HECW1: variants seen among roughly 807,000 people sequenced by gnomAD.
The protein encoded by HECW1 is HECT, C2 and WW domain containing E3 ubiquitin protein ligase 1.
Under a neutral mutation model 182.3 loss-of-function variants are expected in HECW1, and 61 were observed. The observed-to-expected ratio is 0.33, with a 90% CI of 0.27 to 0.41. The LOEUF (loss-of-function observed/expected upper bound fraction) is 0.41. Among genes scored for constraint, HECW1 ranks in the 10% least tolerant of loss-of-function variants. The pLI is 1.00. For synonymous variants in HECW1, 859 were observed against 832.6 expected (o/e 1.03, Z -0.55); for missense variants, 1,739 against 2,108.9 (o/e 0.82, Z 3.44).
intron 5 of HECW1, among the ~76,000 whole-genome samples, chr7:43,338,246 G>A (rs749148555): frequency 6.6e-6 from 1 of 152,184 alleles, no homozygotes; most frequent in Non-Finnish European, 1.5e-5. Context: ...GATAGGCTTA[G>A]AAAGTACTCA....
chr7:43,138,576 G>A (rs1787818776), intron 2 of HECW1, among the ~76,000 whole-genome samples: 1 of 152,174 alleles, frequency 6.6e-6, no homozygotes, highest in Non-Finnish European at 1.5e-5. Context: ...TGTCTGCACA[G>A]TCTATTTACC....
intron 2 of HECW1, among the ~76,000 whole-genome samples, chr7:43,114,683 A>G (rs1178215885): frequency 6.6e-6 from 1 of 152,204 alleles, no homozygotes; most frequent in Non-Finnish European, 1.5e-5. Flanking sequence ...ATTCCACACT[A>G]TAATCCCAGT....
At chr7:43,161,588 A>G (rs1460826244) in intron 2 of HECW1, 1 of 152,230 alleles carries the variant, frequency 6.6e-6, no homozygotes, top group African/African-American at 2.4e-5. Context: ...ACTGAGAAAG[A>G]TATTTCAAAT....
intron 2 of HECW1, among the ~76,000 whole-genome samples, chr7:43,186,653 A>G (rs1279989760): frequency 1.4e-5 from 2 of 144,260 alleles, no homozygotes; most frequent in East Asian, 2.1e-4. Flanking sequence ...TGGGTGACAG[A>G]GCGAGACTCC....
intron 16 of HECW1, among the ~76,000 whole-genome samples, chr7:43,478,882 C>A (rs1049132141): frequency 6.6e-6 from 1 of 152,094 alleles, no homozygotes; most frequent in East Asian, 1.9e-4. Flanking sequence ...ATTGCTCTTA[C>A]TTTCTGTGTT....
At chr7:43,139,416 C>A (rs1376343181) in intron 2 of HECW1, among the ~76,000 whole-genome samples, 3 of 152,200 alleles carry the variant, frequency 2.0e-5, no homozygotes, top group Non-Finnish European at 4.4e-5. Context: ...GAGGATGAGT[C>A]AAAGACGCAA....
chr7:43,233,261 T>C (rs1354746624), intron 2 of HECW1, among the ~76,000 whole-genome samples: 2 of 152,334 alleles, frequency 1.3e-5, no homozygotes, highest in East Asian at 3.9e-4. Flanking sequence ...GCCCTCCATA[T>C]CCTATCACCA....
At chr7:43,155,245 A>G (rs528578702) in intron 2 of HECW1, among the ~76,000 whole-genome samples, 9 of 152,238 alleles carry the variant, frequency 5.9e-5, no homozygotes, top group Non-Finnish European at 1.2e-4. Context: ...TGAAGACACA[A>G]TATGCTGCTA....
rs181196393 is a variant in HECW1 at position 43,343,088 on chromosome 7, A to G, written c.461-17798A>G. ...TCCTTTCTGCAAAATAAGTGACTTC[A>G]CAATGGAAGGCTGTGCTGATCTATC... is the stretch of plus-strand genomic sequence containing the variant. On this transcript the variant is annotated intron_variant, in intron 5 of 29. Coordinates refer to ENST00000395891, the MANE Select transcript of HECW1 (RefSeq NM_015052.5). Among the ~76,000 whole-genome samples, 336 of 138,844 alleles carry G rather than the reference A, an allele frequency of 2.4e-3. 11 individuals are homozygous for G. The highest frequency in any genetic ancestry group is 8.3e-3 in the African/African-American group (320 of 38,556). 91.1% of individuals were successfully genotyped at this position (138,844 alleles called of 152,430 possible).
intron 17 of HECW1, among the ~76,000 whole-genome samples, chr7:43,482,608 T>C (rs529589247): frequency 2.2e-4 from 33 of 152,204 alleles, no homozygotes; most frequent in African/African-American, 7.0e-4. Context: ...AAAGTATCTT[T>C]TAAAATAAGG....
chr7:43,302,371 C>T (rs531550807), intron 3 of HECW1, among the ~76,000 whole-genome samples: 12 of 152,326 alleles, frequency 7.9e-5, no homozygotes, highest in East Asian at 7.7e-4. Flanking sequence ...TTCAGCTTCC[C>T]GGTGAATAAG....
At chr7:43,188,682 T>G (rs1208817472) in intron 2 of HECW1, among the ~76,000 whole-genome samples, 1 of 152,102 alleles carries the variant, frequency 6.6e-6, no homozygotes, top group African/African-American at 2.4e-5. Flanking sequence ...AAAAATTAAA[T>G]GTACTGGCTG....
intron 4 of HECW1, among the ~76,000 whole-genome samples, chr7:43,319,471 G>A (rs1809786943): frequency 6.6e-6 from 1 of 150,624 alleles, no homozygotes; most frequent in African/African-American, 2.4e-5. Flanking sequence ...AAAGCACACT[G>A]TCACCCAGAG....
intron 2 of HECW1, among the ~76,000 whole-genome samples, chr7:43,146,250 G>A (rs1401432930): frequency 2.0e-5 from 3 of 151,968 alleles, no homozygotes; most frequent in South Asian, 2.1e-4. Flanking sequence ...ATTCTTTTTT[G>A]TTGGAGGCTG....
At chr7:43,488,437 A>AAAGAAAGAAAGAAAG (rs2078773702) in intron 17 of HECW1, among the ~76,000 whole-genome samples, 1 of 108,090 alleles carries the variant, frequency 9.3e-6, no homozygotes, top group African/African-American at 3.8e-5. Context: ...AAAGAAAGAG[A>AAAGAAAGAAAGAAAG]AAGAAAGAAA....
intron 2 of HECW1, among the ~76,000 whole-genome samples, chr7:43,167,276 C>T (rs1791229951): frequency 6.6e-6 from 1 of 152,164 alleles, no homozygotes; most frequent in Non-Finnish European, 1.5e-5. Flanking sequence ...GCCTTCATCT[C>T]CACATGGCCT....
chr7:43,438,242 A>AG lies in HECW1; in HGVS notation c.944+98dup, dbSNP rs575833816. The AG allele has an allele frequency of 3.7e-4, 354 of 967,726 alleles. 4 individuals carry two copies. The African/African-American group carries it at 4.6e-3, about 13-fold the overall frequency. The allele number at this position is 967,726 out of a possible 1,614,324, so 59.9% of individuals were successfully genotyped here. A position where few individuals can be genotyped will look rare whatever the true frequency, so the allele number is the denominator to read the frequency against. On this transcript the variant is annotated intron_variant, in intron 9 of 29. Transcript: ENST00000395891. ...GCTGCAATAGTATAGTCTCACAGAG[A>AG]GTCAAAATGGTATCATTATATTTCC...
chr7:43,389,760 C>T (rs1446609939), intron 6 of HECW1, among the ~76,000 whole-genome samples: 1 of 152,090 alleles, frequency 6.6e-6, no homozygotes, highest in Non-Finnish European at 1.5e-5. Context: ...CCTACCTCAG[C>T]CTCCCAAGTA....
intron 3 of HECW1, among the ~76,000 whole-genome samples, chr7:43,260,651 G>T (rs373704802): frequency 6.6e-6 from 1 of 152,162 alleles, no homozygotes; most frequent in Non-Finnish European, 1.5e-5. Context: ...TGGTGGCTTG[G>T]ACTAGTTGAT....
Sources: gnomAD v4.1 joint callset for allele counts (sites outside exome capture counted in the v4.1 genomes callset) on GRCh38, gnomAD v4.1.1 for gene constraint, MANE v1.5 for transcripts, NCBI Gene and HGNC (gene_info 2026-07-23, HGNC 2026-07-21) for gene names.